The following KLHDC3 variants were observed in gnomAD, a reference collection of about 807,000 sequenced individuals.
KLHDC3 encodes kelch domain-containing protein 3.
In KLHDC3, 5 loss-of-function variants were observed where a neutral mutation model predicts 44.1. The observed-to-expected ratio is 0.11, with a 90% CI of 0.06 to 0.24. The LOEUF is 0.24. Ranked by LOEUF, KLHDC3 falls within the 10% of genes least tolerant of loss-of-function variation. The pLI, the probability that KLHDC3 is intolerant of heterozygous loss-of-function variation, is 1.00. For missense variants in KLHDC3, 247 were observed against 514.3 expected (o/e 0.48, Z 5.03); for synonymous variants, 170 against 189.0 (o/e 0.90, Z 0.82).
In KLHDC3 at chr6:43,014,891, G is replaced by A. The variant is rs1460572196; in HGVS notation, c.-60+543G>A. Among the ~76,000 whole-genome samples the A allele has an allele frequency of 8.5e-5, 13 of 152,278 alleles. No individual in the cohort carries two copies. In the Middle Eastern group the frequency reaches 0.01, roughly 120 times the overall value. The stretch of plus-strand genomic sequence containing the variant: ...AGACCAGGCGGGTAGATACATTAAG[G>A]GAATAGAAGAAGTTTGAAAATGCTT... On this transcript the variant is annotated intron_variant, in intron 1 of 10. Transcript: ENST00000326974.
chr6:43,020,615 G>T, intron 10 of KLHDC3, 52 bp from the exon 11 acceptor site: 1 of 1,459,240 alleles, frequency 6.9e-7, no homozygotes, highest in Non-Finnish European at 9.6e-7. Flanking sequence ...ACATCCCTTA[G>T]CTTGGGCTGA....
Position 43,019,361 on chromosome 6 carries a change from T to C in KLHDC3, c.1077T>C (p.Asp359=), listed in dbSNP as rs2150292561. ...TAGACCAGTCCTGTTTGCCTCATGA[T>C]ATCAGGTACAGCGAGTGGTTGGAAG... ...YNLDQSCLPH[D]IRWELNAMTT... Residue 359 remains aspartate, a synonymous_variant, in exon 10 of 11, where the codon GAT becomes GAC. Transcript: ENST00000326974. The C allele has an allele frequency of 1.2e-6, 2 of 1,610,370 alleles. No homozygotes were observed. The highest frequency in any genetic ancestry group is 1.7e-6 in the Non-Finnish European group (2 of 1,176,590).
chr6:43,020,163 G>A (rs763624857), intron 10 of KLHDC3, among the ~76,000 whole-genome samples: 4 of 152,088 alleles, frequency 2.6e-5, no homozygotes, highest in Non-Finnish European at 4.4e-5. Context: ...CAGCCTAGGT[G>A]ACAGAACAAG....
rs970765011 is a variant in KLHDC3, at chr6:43,015,305, G to A, written c.-60+957G>A. ...TGGAGTTGGGGGAGGTTGGGTGGGT[G>A]GGACTAGCAAGCCAGCTGAAAGCCA... On this transcript the variant is annotated intron_variant, in intron 1 of 10. Coordinates refer to ENST00000326974, the MANE Select transcript of KLHDC3 (RefSeq NM_057161.4). Among the ~76,000 whole-genome samples the A allele has an allele frequency of 3.9e-5, 6 of 152,240 alleles. No homozygotes were observed. In the South Asian group the frequency reaches 1.2e-3, roughly 32 times the overall value.
rs1239608149 is a variant in KLHDC3, at chr6:43,017,611, G to A, written c.247G>A (p.Val83Ile). ...VPYMRYGHST[V>I]LIDDTVLLWG... ...CTACATGCGCTATGGACACTCAACCGTCCTCATCGACGACACAGTCCTCCT... is the reference window on the plus strand; with the variant it reads ...CTACATGCGCTATGGACACTCAACCATCCTCATCGACGACACAGTCCTCCT... Residue 83 changes from valine to isoleucine, a missense_variant, in exon 3 of 11, where the codon GTC becomes ATC. Transcript: ENST00000326974. The surrounding 1 kb of genome is among the most constrained non-coding windows in gnomAD (Gnocchi z 6.0). The A allele has an allele frequency of 7.4e-6, 12 of 1,613,988 alleles. No individual in the cohort carries two copies. The highest frequency in any genetic ancestry group is 2.2e-5 in the East Asian group (1 of 44,898).
chr6:43,021,109 C>T lies in KLHDC3; in HGVS notation c.*376C>T, dbSNP rs537872497. On this transcript the variant is annotated 3_prime_UTR_variant, in exon 11 of 11. Transcript: ENST00000326974. Reference sequence around the variant, plus strand: ...CCCCTCCCCCTTTGCCTATCCCCTCCCCTCTGCTTGAGCCTTGAGCCTTGA... The same window carrying T: ...CCCCTCCCCCTTTGCCTATCCCCTCTCCTCTGCTTGAGCCTTGAGCCTTGA... The T allele has an allele frequency of 6.3e-6, 3 of 475,760 alleles. No homozygotes were observed. Among genetic ancestry groups the T allele is most frequent in the African/African-American group, 3.9e-5 (2 of 50,850 alleles). The allele number at this position is 475,760 out of a possible 1,614,324, so 29.5% of individuals were successfully genotyped here.
chr6:43,017,813 T>C lies in KLHDC3; in HGVS notation c.332-40T>C, dbSNP rs1561859094. 6.3e-7 allele frequency: 1 copy of C among 1,592,206 alleles called. No individual in the cohort carries two copies. The highest frequency in any genetic ancestry group is 8.6e-7 in the Non-Finnish European group (1 of 1,161,742). On this transcript the variant is annotated intron_variant, in intron 3 of 10. Transcript: ENST00000326974. This position sits in a 1 kb window ranked among gnomAD's most constrained non-coding sequence, Gnocchi z 6.0. ...CCCCAGAGCTGAGGAGGGACTGTCATAGAGGGTGCTTAGTTGAGCCATTTT... is the reference window on the plus strand; with the variant it reads ...CCCCAGAGCTGAGGAGGGACTGTCACAGAGGGTGCTTAGTTGAGCCATTTT...
Position 43,018,065 on chromosome 6 carries a change from A to G in KLHDC3, c.448-80A>G. ...AAATGGGAGGCTTTGGCTTGTTTGC[A>G]GGTTTTGAGGGGAGGGATGGAGGGT... On this transcript the variant is annotated intron_variant, in intron 4 of 10. Transcript: ENST00000326974. This position sits in a 1 kb window ranked among gnomAD's most constrained non-coding sequence, Gnocchi z 6.0. 7.0e-7 allele frequency: 1 copy of G among 1,425,562 alleles called. No individual in the cohort carries two copies. The allele number at this position is 1,425,562 out of a possible 1,614,324, so 88.3% of individuals were successfully genotyped here.
At chr6:43,014,738 C>G in intron 1 of KLHDC3, 2 of 391,034 alleles carry the variant, frequency 5.1e-6, no homozygotes, top group East Asian at 7.3e-5. Flanking sequence ...TTTTTCTTTC[C>G]TTAGTGGAGG....
chr6:43,019,193 C>G, intron 9 of KLHDC3, 28 bp downstream of exon 9: 1 of 1,570,482 alleles, frequency 6.4e-7, no homozygotes, highest in Non-Finnish European at 8.8e-7. Flanking sequence ...TGAATTGCTC[C>G]TGCCATCAAG....
Position 43,018,707 on chromosome 6 carries a change from A to G in KLHDC3, c.808A>G (p.Lys270Glu). 1 of 1,613,898 alleles carries G rather than the reference A, an allele frequency of 6.2e-7. No individual in the cohort carries two copies. Among genetic ancestry groups the G allele is most frequent in the Non-Finnish European group, 8.5e-7 (1 of 1,179,846 alleles). ...RLNRHFHDLW[K>E]FNPVSFTWKK... is the part of the protein sequence containing the mutation. ...GAACCGGCACTTCCATGACCTCTGG[A>G]AGTTTAATCCTGGTAAAGAGCACTG... The change falls in exon 7 of 11, where the codon AAG (lysine) becomes GAG (glutamate). Residue 270 changes from lysine to glutamate, a missense_variant. Physicochemically the swap from Lys to Glu is moderately conservative, Grantham distance 56. Around this residue, in one of 2 missense-constraint regions of KLHDC3, gnomAD observed 176 missense variants for 413.5 expected, o/e 0.43. Coordinates refer to ENST00000326974, the MANE Select transcript of KLHDC3 (RefSeq NM_057161.4). The surrounding 1 kb of genome is among the most constrained non-coding windows in gnomAD (Gnocchi z 6.0).
chr6:43,014,787 T>C (rs1318558060), intron 1 of KLHDC3, among the ~76,000 whole-genome samples: 1 of 151,566 alleles, frequency 6.6e-6, no homozygotes, highest in Admixed American at 6.6e-5. Context: ...CTTGGAATGG[T>C]AGGAGAAGGA....
At chr6:43,014,960 C>T (rs901457767) in intron 1 of KLHDC3, among the ~76,000 whole-genome samples, 1 of 152,092 alleles carries the variant, frequency 6.6e-6, no homozygotes, top group African/African-American at 2.4e-5. Context: ...AAGAGGAGCC[C>T]CTGAGCGCCT....
rs568345654 is a variant in KLHDC3 at position 43,021,185 on chromosome 6, G to T, written c.*452G>T. Reference sequence around the variant, plus strand: ...GTTGGCATGAGACCTCCTTCTCCCCGTCTTGGGGAGGTGGGGACCAGCAGA... The same window carrying T: ...GTTGGCATGAGACCTCCTTCTCCCCTTCTTGGGGAGGTGGGGACCAGCAGA... On this transcript the variant is annotated 3_prime_UTR_variant, in exon 11 of 11. Coordinates refer to ENST00000326974, the MANE Select transcript of KLHDC3 (RefSeq NM_057161.4). 1.8e-5 allele frequency: 8 copies of T among 442,372 alleles called. No individual in the cohort carries two copies. The highest frequency in any genetic ancestry group is 3.6e-5 in the Non-Finnish European group (8 of 219,720). 27.4% of individuals were successfully genotyped at this position (442,372 alleles called of 1,614,324 possible).
In KLHDC3 at chr6:43,014,284, C is replaced by T; in HGVS notation, c.-124C>T. The T allele has an allele frequency of 2.6e-6, 2 of 766,090 alleles. No homozygotes were observed. The highest frequency in any genetic ancestry group is 4.1e-6 in the Non-Finnish European group (2 of 491,406). 47.5% of individuals were successfully genotyped at this position (766,090 alleles called of 1,614,324 possible). A position where few individuals can be genotyped will look rare whatever the true frequency, so the allele number is the denominator to read the frequency against. ...TTGGGGACTAAGGCGTCGGTTGGCG[C>T]GCAACGGGTTCTAGGCTGCAGGCAG... On this transcript the variant is annotated 5_prime_UTR_variant, in exon 1 of 11. Coordinates refer to ENST00000326974, the MANE Select transcript of KLHDC3 (RefSeq NM_057161.4).
rs1249083328 is a variant in KLHDC3 at position 43,018,477 on chromosome 6, C to G, written c.654C>G (p.Val218=). The G allele has an allele frequency of 6.2e-7, 1 of 1,614,086 alleles. No individual in the cohort carries two copies. Among genetic ancestry groups the G allele is most frequent in the Non-Finnish European group, 8.5e-7 (1 of 1,180,050 alleles). The change falls in exon 6 of 11, where the codon GTC becomes GTG. Residue 218 remains valine (V), a synonymous_variant. Transcript: ENST00000326974. This position sits in a 1 kb window ranked among gnomAD's most constrained non-coding sequence, Gnocchi z 6.0. The part of the protein sequence containing the change: ...NNEIYCNRIR[V]FDTRTEAWLD... ...AGATTTACTGCAACCGCATTCGAGTCTTTGACACCAGAACTGAGGCTTGGC... is the reference window on the plus strand; with the variant it reads ...AGATTTACTGCAACCGCATTCGAGTGTTTGACACCAGAACTGAGGCTTGGC...
At position 43,017,547 on chromosome 6, in the gene KLHDC3, G is replaced by C; in HGVS notation, c.183G>C (p.Pro61=). The C allele has an allele frequency of 2.5e-6, 4 of 1,608,374 alleles. No homozygotes were observed. The highest frequency in any genetic ancestry group is 1.3e-5 in the African/African-American group (1 of 74,922). The part of the protein sequence containing the change: ...AVSLRWTKLP[P]VKSAIRGQAP... ...CCTTGCGTTGGACAAAGCTGCCCCC[G>C]GTGAAGTCTGCCATCCGTGGGCAAG... Residue 61 remains proline (P), a synonymous_variant, in exon 3 of 11, where the codon CCG becomes CCC. Coordinates refer to ENST00000326974, the MANE Select transcript of KLHDC3 (RefSeq NM_057161.4). This position sits in a 1 kb window ranked among gnomAD's most constrained non-coding sequence, Gnocchi z 6.0.
Position 43,019,975 on chromosome 6 carries a change from G to A in KLHDC3, c.1082+609G>A, listed in dbSNP as rs188864060. Among the ~76,000 whole-genome samples the A allele has an allele frequency of 3.9e-3, 592 of 152,160 alleles. 2 individuals carry two copies. The highest frequency in any genetic ancestry group is 4.9e-3 in the Non-Finnish European group (332 of 68,010). On this transcript the variant is annotated intron_variant, in intron 10 of 10. Coordinates refer to ENST00000326974, the MANE Select transcript of KLHDC3 (RefSeq NM_057161.4). Reference sequence around the variant, plus strand: ...GCAAATCAGTTGAGGTCAGGAGTTCGAGACCATCCTGGCCACATGGTGAAG... The same window carrying A: ...GCAAATCAGTTGAGGTCAGGAGTTCAAGACCATCCTGGCCACATGGTGAAG...
intron 1 of KLHDC3, among the ~76,000 whole-genome samples, chr6:43,015,245 A>C (rs761707558): frequency 6.6e-6 from 1 of 151,090 alleles, no homozygotes; most frequent in African/African-American, 2.4e-5. Flanking sequence ...GGGCTATTTC[A>C]GGATGGGTCC....
Sources: gnomAD v4.1 joint callset for allele counts (sites outside exome capture counted in the v4.1 genomes callset) on GRCh38, gnomAD v4.1.1 for gene constraint, gnomAD v4.1.1 regional missense constraint, Gnocchi (gnomAD v3.1) non-coding constraint, MANE v1.5 for transcripts, NCBI Gene and HGNC (gene_info 2026-07-23, HGNC 2026-07-21) for gene names.